MGAT4C: variants seen among roughly 807,000 people sequenced by gnomAD.
The protein encoded by MGAT4C is alpha-1,3-mannosyl-glycoprotein 4-beta-N-acetylglucosaminyltransferase C.
Under a neutral mutation model 40.1 loss-of-function variants are expected in MGAT4C, and 19 were observed. The ratio of observed to expected loss-of-function variants is 0.47; its 90% confidence interval spans 0.33 to 0.70. MGAT4C has a LOEUF of 0.70. Ranked by LOEUF, MGAT4C falls within the 30% of genes least tolerant of loss-of-function variation. The pLI, the probability that MGAT4C is intolerant of heterozygous loss-of-function variation, is 0.02. For missense variants in MGAT4C, 491 were observed against 563.2 expected, an observed-to-expected ratio of 0.87 and a Z score of 1.30; for synonymous variants, 181 against 187.1, an observed-to-expected ratio of 0.97 and a Z score of 0.27.
intron 1 of MGAT4C, 25 bp downstream of exon 1, chr12:86,256,214 A>C (rs1952508970): frequency 6.6e-6 from 1 of 152,128 alleles, no homozygotes; most frequent in Non-Finnish European, 1.5e-5. Flanking sequence ...TTTAAAAGAG[A>C]AGGTAAAACA....
chr12:86,724,194 C>G (rs988692406), intron 2 of MGAT4C, among the ~76,000 whole-genome samples: 1 of 151,986 alleles, frequency 6.6e-6, no homozygotes, highest in Non-Finnish European at 1.5e-5. Flanking sequence ...AATTATGGTT[C>G]AAAATAGTTT....
At chr12:86,632,034 A>G (rs998932452) in intron 2 of MGAT4C, among the ~76,000 whole-genome samples, 1 of 152,130 alleles carries the variant, frequency 6.6e-6, no homozygotes, top group Non-Finnish European at 1.5e-5. Context: ...TCCAGAATCT[A>G]CAAAGAACTT....
chr12:86,614,422 G>A (rs1470850035), intron 2 of MGAT4C, among the ~76,000 whole-genome samples: 1 of 152,032 alleles, frequency 6.6e-6, no homozygotes, highest in African/African-American at 2.4e-5. Flanking sequence ...AATAATTAAA[G>A]GGATTATGGA....
intron 2 of MGAT4C, among the ~76,000 whole-genome samples, chr12:86,038,833 T>C (rs1180595813): frequency 6.7e-6 from 1 of 149,922 alleles, no homozygotes; most frequent in Non-Finnish European, 1.5e-5. Context: ...GTGTTGATGG[T>C]CTTTAAAATT....
intron 2 of MGAT4C, among the ~76,000 whole-genome samples, chr12:86,559,809 A>G (rs1959781166): frequency 6.6e-6 from 1 of 152,012 alleles, no homozygotes; most frequent in Non-Finnish European, 1.5e-5. Flanking sequence ...TCAGAGCAAA[A>G]CTAAATTAGA....
At chr12:86,242,722 C>T (rs952558580) in intron 1 of MGAT4C, among the ~76,000 whole-genome samples, 3 of 152,084 alleles carry the variant, frequency 2.0e-5, no homozygotes, top group Non-Finnish European at 4.4e-5. Context: ...GAAAACCTAG[C>T]TGTCCCATCC....
chr12:85,997,050 A>C (rs1886709041), intron 2 of MGAT4C, among the ~76,000 whole-genome samples: 1 of 152,200 alleles, frequency 6.6e-6, no homozygotes, highest in Admixed American at 6.5e-5. Context: ...GGCAATTTAC[A>C]ACAGAAAGAG....
At chr12:86,145,823 T>A (rs546328400) in intron 1 of MGAT4C, among the ~76,000 whole-genome samples, 5 of 152,264 alleles carry the variant, frequency 3.3e-5, no homozygotes, top group South Asian at 2.1e-4. Flanking sequence ...AAATAGAGTT[T>A]CTCCAAGTAT....
At chr12:86,132,779 G>A (rs1194159144) in intron 1 of MGAT4C, among the ~76,000 whole-genome samples, 3 of 129,980 alleles carry the variant, frequency 2.3e-5, no homozygotes, top group Non-Finnish European at 3.2e-5. Flanking sequence ...GCTACAGAGC[G>A]AGACTCCGTC....
intron 2 of MGAT4C, among the ~76,000 whole-genome samples, chr12:86,708,624 C>A (rs1346058290): frequency 6.6e-6 from 1 of 152,102 alleles, no homozygotes; most frequent in Admixed American, 6.5e-5. Context: ...AGGAGGGAGG[C>A]TGCACCCTGC....
At chr12:86,309,750 T>A (rs1461496694) in intron 4 of MGAT4C, among the ~76,000 whole-genome samples, 1 of 152,184 alleles carries the variant, frequency 6.6e-6, no homozygotes, top group Non-Finnish European at 1.5e-5. Flanking sequence ...TCTGAAACAA[T>A]AAAACCTAGG....
intron 1 of MGAT4C, among the ~76,000 whole-genome samples, chr12:86,124,340 G>T (rs1879912378): frequency 6.6e-6 from 1 of 152,090 alleles, no homozygotes. Flanking sequence ...AACATGTCAA[G>T]TGTTACGCTG....
In MGAT4C at chr12:86,099,099, A is replaced by T. The variant is rs565552517; in HGVS notation, c.-56-49376T>A. Among the ~76,000 whole-genome samples the T allele has an allele frequency of 5.3e-5, 8 of 151,354 alleles. No homozygotes were observed. In the South Asian group the frequency reaches 1.5e-3, roughly 27 times the overall value. On this transcript the variant is annotated intron_variant, in intron 1 of 4. Transcript: ENST00000611864. ...ATATCAGAATTCTCTAATTATTTTT[A>T]AAATGTTTTATATATCTGTCTCAAT...
chr12:86,668,332 C>G (rs1361759592), intron 2 of MGAT4C, among the ~76,000 whole-genome samples: 1 of 152,112 alleles, frequency 6.6e-6, no homozygotes, highest in African/African-American at 2.4e-5. Context: ...TGGCGTCTGG[C>G]AGATAAAAGT....
At chr12:85,997,905 C>T (rs1316683391) in intron 2 of MGAT4C, among the ~76,000 whole-genome samples, 1 of 152,198 alleles carries the variant, frequency 6.6e-6, no homozygotes, top group African/African-American at 2.4e-5. Context: ...CACAGCACCA[C>T]TACATAGTGC....
intron 3 of MGAT4C, among the ~76,000 whole-genome samples, chr12:86,388,685 T>G (rs1022459773): frequency 6.1e-5 from 9 of 147,732 alleles, no homozygotes; most frequent in African/African-American, 2.0e-4. Flanking sequence ...GTTTTTTTTT[T>G]TTTTTTTTTT....
At chr12:86,342,803 T>C (rs1954932174) in intron 3 of MGAT4C, among the ~76,000 whole-genome samples, 1 of 152,130 alleles carries the variant, frequency 6.6e-6, no homozygotes, top group Admixed American at 6.6e-5. Context: ...CAATAAATAT[T>C]TGATGAATGT....
chr12:86,588,630 A>C (rs1961175564), intron 2 of MGAT4C, among the ~76,000 whole-genome samples: 1 of 152,130 alleles, frequency 6.6e-6, no homozygotes, highest in Non-Finnish European at 1.5e-5. Context: ...CACCTATTCC[A>C]AAACTGACCA....
At chr12:85,997,686 A>G (rs1886783770) in intron 2 of MGAT4C, among the ~76,000 whole-genome samples, 1 of 152,140 alleles carries the variant, frequency 6.6e-6, no homozygotes, top group African/African-American at 2.4e-5. Flanking sequence ...ATCTCCTTTG[A>G]CTCAAGGTCT....
Sources: allele counts gnomAD v4.1 joint callset (sites outside exome capture counted in the v4.1 genomes callset), GRCh38; gene constraint gnomAD v4.1.1; transcripts MANE v1.5; gene names NCBI Gene and HGNC (gene_info 2026-07-23, HGNC 2026-07-21).